DTNA: variants seen among roughly 807,000 people sequenced by gnomAD.
DTNA encodes the protein dystrobrevin alpha.
DTNA carries 43 observed loss-of-function variants against 100.7 expected under a neutral mutation model. That is an observed-to-expected ratio of 0.43 (90% CI 0.33 to 0.55). The LOEUF (loss-of-function observed/expected upper bound fraction) is 0.55. DTNA is among the 20% of genes least tolerant of loss of function. The pLI is 0.04. For missense variants in DTNA, 798 were observed against 953.9 expected, an observed-to-expected ratio of 0.84 and a Z score of 2.15; for synonymous variants, 349 against 347.9, an observed-to-expected ratio of 1.00 and a Z score of -0.04.
intron 5 of DTNA, among the ~76,000 whole-genome samples, chr18:34,806,572 C>G (rs982968585): frequency 2.6e-5 from 4 of 152,196 alleles, no homozygotes; most frequent in Non-Finnish European, 5.9e-5. Flanking sequence ...AAAATAAGCA[C>G]TCTTTGCAGT....
chr18:34,609,346 G>A (rs2053769648), intron 1 of DTNA, among the ~76,000 whole-genome samples: 1 of 150,586 alleles, frequency 6.6e-6, no homozygotes, highest in African/African-American at 2.5e-5. Context: ...CCGGGTTCAA[G>A]CGATTCTCCT....
At chr18:34,552,185 T>A (rs931368425) in intron 1 of DTNA, among the ~76,000 whole-genome samples, 2 of 152,074 alleles carry the variant, frequency 1.3e-5, no homozygotes, top group African/African-American at 4.8e-5. Context: ...CTTTTCATAG[T>A]CTATATGAAC....
At chr18:34,762,924 A>G (rs1431834811) in intron 2 of DTNA, among the ~76,000 whole-genome samples, 2 of 152,098 alleles carry the variant, frequency 1.3e-5, no homozygotes, top group East Asian at 1.9e-4. Flanking sequence ...CAGCATCTCT[A>G]CATCCCTCTT....
intron 17 of DTNA, among the ~76,000 whole-genome samples, chr18:34,869,084 A>G (rs1229975824): frequency 1.3e-5 from 2 of 152,208 alleles, no homozygotes; most frequent in Admixed American, 6.5e-5. Context: ...CAGTGGTACC[A>G]GATCTTTGCT....
At chr18:34,758,517 G>A (rs141021088) in intron 2 of DTNA, among the ~76,000 whole-genome samples, 2,632 of 152,316 alleles carry the variant, frequency 0.017, 46 homozygotes, top group Non-Finnish European at 0.023. Flanking sequence ...GGACTTCAGG[G>A]AGGAGATTGG....
At chr18:34,728,371 G>C (rs2087241749) in intron 1 of DTNA, among the ~76,000 whole-genome samples, 1 of 151,948 alleles carries the variant, frequency 6.6e-6, no homozygotes, top group Admixed American at 6.6e-5. Flanking sequence ...GCAGGTTTGA[G>C]AAATATCACT....
intron 1 of DTNA, chr18:34,593,591 A>G (rs555531512): frequency 6.6e-6 from 1 of 152,292 alleles, no homozygotes; most frequent in Admixed American, 6.5e-5. Context: ...GATGCTTAAT[A>G]TTGAATTTTT....
intron 22 of DTNA, 126 bp downstream of exon 22, chr18:34,884,902 T>C (rs1198874542): frequency 8.8e-7 from 1 of 1,139,854 alleles, no homozygotes; most frequent in East Asian, 2.4e-5. Context: ...CCTCCTTAAC[T>C]GCTGATATCG....
intron 4 of DTNA, 125 bp from the exon 5 acceptor site, chr18:34,806,094 C>A: frequency 1.3e-6 from 1 of 778,808 alleles, no homozygotes; most frequent in Non-Finnish European, 2.2e-6. Context: ...ATAAGGCATG[C>A]AGCTATGTAT....
chr18:34,786,486 C>T (rs1402477698), intron 3 of DTNA, among the ~76,000 whole-genome samples: 1 of 152,080 alleles, frequency 6.6e-6, no homozygotes, highest in Non-Finnish European at 1.5e-5. Flanking sequence ...ATCTTTGTTG[C>T]TATGGGGATT....
chr18:34,616,505 C>A (rs1312889341), intron 1 of DTNA, among the ~76,000 whole-genome samples: 1 of 152,164 alleles, frequency 6.6e-6, no homozygotes, highest in Non-Finnish European at 1.5e-5. Flanking sequence ...ACATCTGTAC[C>A]AGTACCATGC....
rs150399155 is a variant in DTNA, at chr18:34,724,261, T to C, written c.-2+13816T>C. 2.6e-5 allele frequency among the ~76,000 whole-genome samples: 4 copies of C among 152,330 alleles called. No homozygotes were observed. In the East Asian group the frequency reaches 7.7e-4, roughly 29 times the overall value. On this transcript the variant is annotated intron_variant, in intron 1 of 22. Transcript: ENST00000444659. ...CCTTAAATGGATACAAAGAGTTATG[T>C]ACAGAATGTCTTTTATAGTGTGATA...
intron 3 of DTNA, among the ~76,000 whole-genome samples, chr18:34,787,314 C>CT (rs926432199): frequency 6.6e-6 from 1 of 152,150 alleles, no homozygotes; most frequent in Non-Finnish European, 1.5e-5. Context: ...CTTTTCCACT[C>CT]TTTTATATTT....
intron 4 of DTNA, among the ~76,000 whole-genome samples, chr18:34,799,597 T>C (rs1299283890): frequency 6.6e-6 from 1 of 152,204 alleles, no homozygotes; most frequent in Non-Finnish European, 1.5e-5. Context: ...GCGTGGTGAC[T>C]TTTTTCTTTG....
chr18:34,547,302 C>T (rs1171345858), intron 1 of DTNA, among the ~76,000 whole-genome samples: 1 of 152,000 alleles, frequency 6.6e-6, no homozygotes, highest in Non-Finnish European at 1.5e-5. Context: ...ATTTCTAACT[C>T]TTTATGCCAG....
intron 3 of DTNA, among the ~76,000 whole-genome samples, chr18:34,777,967 C>T (rs1263084390): frequency 6.6e-6 from 1 of 152,182 alleles, no homozygotes; most frequent in Non-Finnish European, 1.5e-5. Context: ...TCTTAACCCT[C>T]ATCATTGTGT....
chr18:34,815,656 T>C (rs1221429172), intron 6 of DTNA: 7 of 438,908 alleles, frequency 1.6e-5, no homozygotes, highest in African/African-American at 1.4e-4. Context: ...CTTGGAATTG[T>C]TTTTCTCCTG....
intron 1 of DTNA, among the ~76,000 whole-genome samples, chr18:34,541,358 C>A (rs976068362): frequency 3.3e-5 from 5 of 152,124 alleles, no homozygotes; most frequent in South Asian, 2.1e-4. Context: ...GTGTCCTCAC[C>A]CAAATCTCAC....
intron 1 of DTNA, among the ~76,000 whole-genome samples, chr18:34,530,166 C>T (rs539120136): frequency 3.3e-5 from 5 of 152,040 alleles, no homozygotes; most frequent in African/African-American, 4.8e-5. Flanking sequence ...ACTGTCTGCC[C>T]GGGCAGAGCA....
Sources: allele counts gnomAD v4.1 joint callset (sites outside exome capture counted in the v4.1 genomes callset), GRCh38; gene constraint gnomAD v4.1.1; transcripts MANE v1.5; gene names NCBI Gene and HGNC (gene_info 2026-07-23, HGNC 2026-07-21).